The following ZNRF3 variants were observed in gnomAD, a reference collection of about 807,000 sequenced individuals.
ZNRF3 encodes zinc and ring finger 3, also known as E3 ubiquitin-protein ligase ZNRF3.
ZNRF3 carries 23 observed loss-of-function variants against 72.5 expected under a neutral mutation model. The observed-to-expected ratio is 0.32, with a 90% CI of 0.23 to 0.45. The LOEUF (loss-of-function observed/expected upper bound fraction) is 0.45, where lower values mean the gene tolerates loss of function less well. ZNRF3 is among the 20% of genes least tolerant of loss of function. The pLI is 1.00. For synonymous variants in ZNRF3, 610 were observed against 545.3 expected, an observed-to-expected ratio of 1.12 and a Z score of -1.65; for missense variants, 1,169 against 1,272.1, an observed-to-expected ratio of 0.92 and a Z score of 1.23.
chr22:29,052,691 CAAA>C (rs35759703), intron 8 of ZNRF3, among the ~76,000 whole-genome samples: 9 of 118,256 alleles, frequency 7.6e-5, no homozygotes, highest in Non-Finnish European at 9.1e-5. Context: ...GACTCCGTCT[CAAA>C]AAAAAAAAAA....
chr22:28,913,537 A>G (rs1383035432), intron 1 of ZNRF3, among the ~76,000 whole-genome samples: 4 of 152,142 alleles, frequency 2.6e-5, no homozygotes, highest in Non-Finnish European at 5.9e-5. Flanking sequence ...GGGCCCTGGG[A>G]TAGAGTCATC....
intron 2 of ZNRF3, among the ~76,000 whole-genome samples, chr22:28,998,058 G>A (rs2036076142): frequency 6.6e-6 from 1 of 151,490 alleles, no homozygotes; most frequent in South Asian, 2.1e-4. Context: ...CTAGCACTTT[G>A]GGAGGCTGAG....
rs550185001 is a variant in ZNRF3 at position 28,917,491 on chromosome 22, G to T, written c.300+33425G>T. 8 of 976,158 alleles carry T rather than the reference G, an allele frequency of 8.2e-6. No individual in the cohort carries two copies. The African/African-American group carries it at 1.4e-4, about 17-fold the overall frequency. The allele number at this position is 976,158 out of a possible 1,614,324, so 60.5% of individuals were successfully genotyped here. ...CCCTCATTTCAACAAGGTAACTGAA[G>T]AATGTTAAATCTAAATTTGGGTAAG... On this transcript the variant is annotated intron_variant, in intron 1 of 8. Coordinates refer to ENST00000544604, the MANE Select transcript of ZNRF3 (RefSeq NM_001206998.2).
Position 28,987,061 on chromosome 22 carries a change from C to A in ZNRF3, c.301-15C>A. On this transcript the variant is annotated splice_polypyrimidine_tract_variant and intron_variant, in intron 1 of 8. Coordinates refer to ENST00000544604, the MANE Select transcript of ZNRF3 (RefSeq NM_001206998.2). Reference sequence around the variant, plus strand: ...AGCTTGCCTGCTGAAGTTTTCTTTCCATTTTATTTCCTAGATGCACCCACT... The same window carrying A: ...AGCTTGCCTGCTGAAGTTTTCTTTCAATTTTATTTCCTAGATGCACCCACT... The A allele has an allele frequency of 6.2e-7, 1 of 1,600,600 alleles. No individual in the cohort carries two copies. Among genetic ancestry groups the A allele is most frequent in the Non-Finnish European group, 8.5e-7 (1 of 1,174,452 alleles).
intron 1 of ZNRF3, among the ~76,000 whole-genome samples, chr22:28,907,761 C>A (rs1054279096): frequency 6.6e-6 from 1 of 152,194 alleles, no homozygotes; most frequent in Non-Finnish European, 1.5e-5. Context: ...TTTTTCCCTG[C>A]CCACAGCGCA....
intron 1 of ZNRF3, among the ~76,000 whole-genome samples, chr22:28,963,891 AC>A (rs1431705756): frequency 6.6e-6 from 1 of 152,192 alleles, no homozygotes; most frequent in African/African-American, 2.4e-5. Context: ...GCAACAGGGC[AC>A]CTTGAAAGCT....
intron 2 of ZNRF3, among the ~76,000 whole-genome samples, chr22:28,995,996 GA>G (rs2036039559): frequency 6.6e-6 from 1 of 152,148 alleles, no homozygotes; most frequent in African/African-American, 2.4e-5. Context: ...GGCTGGTCTT[GA>G]ACTCCAGGGC....
At chr22:29,039,784 CAA>C (rs397976678) in intron 2 of ZNRF3, among the ~76,000 whole-genome samples, 1,540 of 85,282 alleles carry the variant, frequency 0.018, 19 homozygotes, top group East Asian at 0.063. Context: ...TCGTCTCTAC[CAA>C]AAAAAAAAAA....
chr22:29,027,373 C>T (rs777325308), intron 2 of ZNRF3, among the ~76,000 whole-genome samples: 12 of 152,072 alleles, frequency 7.9e-5, no homozygotes, highest in Non-Finnish European at 1.5e-4. Context: ...CTCAGCCTCC[C>T]GAGTAGTTGG....
intron 2 of ZNRF3, among the ~76,000 whole-genome samples, chr22:29,003,393 G>A (rs941183858): frequency 4.6e-5 from 7 of 151,844 alleles, no homozygotes; most frequent in African/African-American, 7.3e-5. Flanking sequence ...GGTGGCGGGC[G>A]CCTGTAGTCC....
intron 1 of ZNRF3, among the ~76,000 whole-genome samples, chr22:28,962,041 A>G (rs2035370767): frequency 6.6e-6 from 1 of 152,206 alleles, no homozygotes. Context: ...TTCCTTGAGA[A>G]TATAGGGAAG....
At chr22:28,963,465 G>C (rs943823463) in intron 1 of ZNRF3, among the ~76,000 whole-genome samples, 8 of 152,158 alleles carry the variant, frequency 5.3e-5, no homozygotes, top group Admixed American at 2.0e-4. Flanking sequence ...GCAGGAGAGG[G>C]GGGTAGGGAG....
Position 29,050,001 on chromosome 22 carries a change from C to A in ZNRF3, c.1820C>A (p.Ala607Asp). 1 of 1,611,820 alleles carries A rather than the reference C, an allele frequency of 6.2e-7. No homozygotes were observed. The highest frequency in any genetic ancestry group is 8.5e-7 in the Non-Finnish European group (1 of 1,179,508). Residue 607 changes from alanine (A) to aspartate (D), a missense_variant, in exon 8 of 9, where the codon GCC (alanine) becomes GAC (aspartate). By Grantham distance (126) the Ala-to-Asp change is moderately radical (BLOSUM62 -2). Around this residue, in one of 2 missense-constraint regions of ZNRF3, gnomAD observed 783 missense variants for 731.4 expected, o/e 1.07. Transcript: ENST00000544604. ...TACCGCAGCCGGAGCCCCTGTCGTG[C>A]CAGTGAGGCGGGGGGCTCGGGCAGC... ...FIYRSRSPCR[A>D]SEAGGSGSSG...
At chr22:29,027,213 G>A (rs1355827230) in intron 2 of ZNRF3, among the ~76,000 whole-genome samples, 6 of 152,020 alleles carry the variant, frequency 3.9e-5, no homozygotes, top group African/African-American at 1.4e-4. Context: ...CTCCAGGAAG[G>A]AGTCTACCCC....
At position 28,950,694 on chromosome 22, in the gene ZNRF3, G is replaced by A. The variant is rs374034244; in HGVS notation, c.301-36382G>A. Among the ~76,000 whole-genome samples, 78 of 152,278 alleles carry A rather than the reference G, an allele frequency of 5.1e-4. 2 individuals carry two copies. The South Asian group carries it at 0.016, about 31-fold the overall frequency. On this transcript the variant is annotated intron_variant, in intron 1 of 8. Transcript: ENST00000544604. ...TGAGGATACTCCTTATACTTAGAAC[G>A]CTTGACTGATGTCTAGTTCAGGCCC...
At chr22:28,957,731 G>A (rs889075780) in intron 1 of ZNRF3, among the ~76,000 whole-genome samples, 34 of 151,670 alleles carry the variant, frequency 2.2e-4, no homozygotes, top group African/African-American at 7.5e-4. Flanking sequence ...GAGCCACCAC[G>A]CCCGGCCAAT....
chr22:29,050,916 A>G lies in ZNRF3; in HGVS notation c.2735A>G (p.Gln912Arg). 2 of 1,545,950 alleles carry G rather than the reference A, an allele frequency of 1.3e-6. No homozygotes were observed. The highest frequency in any genetic ancestry group is 1.7e-6 in the Non-Finnish European group (2 of 1,154,690). ...ANFPSALQDT[Q>R]ESSTTATEAA... ...TTCCCTAGTGCCCTCCAGGACACTC[A>G]GGAGTCCAGCACCACTGCCACTGAG... The change falls in exon 8 of 9, where the codon CAG (glutamine) becomes CGG (arginine). Residue 912 changes from glutamine (Q) to arginine (R), a missense_variant. Gln to Arg is a conservative substitution (Grantham distance 43). Coordinates refer to ENST00000544604, the MANE Select transcript of ZNRF3 (RefSeq NM_001206998.2).
chr22:28,976,827 C>G (rs1373606258), intron 1 of ZNRF3, among the ~76,000 whole-genome samples: 1 of 151,968 alleles, frequency 6.6e-6, no homozygotes, highest in Non-Finnish European at 1.5e-5. Context: ...CTTAAGGTTT[C>G]TATAGTCTAC....
intron 1 of ZNRF3, among the ~76,000 whole-genome samples, chr22:28,960,606 T>C (rs975516469): frequency 1.3e-5 from 2 of 152,224 alleles, no homozygotes; most frequent in African/African-American, 4.8e-5. Flanking sequence ...TGATAGGGGC[T>C]ATATTTTTAA....
Sources: gnomAD v4.1 joint callset for allele counts (sites outside exome capture counted in the v4.1 genomes callset) on GRCh38, gnomAD v4.1.1 for gene constraint, gnomAD v4.1.1 regional missense constraint, MANE v1.5 for transcripts, NCBI Gene and HGNC (gene_info 2026-07-23, HGNC 2026-07-21) for gene names.